ALDH2: variants seen among roughly 807,000 people sequenced by gnomAD.
The protein encoded by ALDH2 is aldehyde dehydrogenase 2 family member.
Under a neutral mutation model 59.6 loss-of-function variants are expected in ALDH2, and 44 were observed. That is an observed-to-expected ratio of 0.74 (90% confidence interval 0.58 to 0.95). The LOEUF (loss-of-function observed/expected upper bound fraction) is 0.95, where lower values mean the gene tolerates loss of function less well. Ranked by LOEUF, ALDH2 falls within the 40% of genes least tolerant of loss-of-function variation. The pLI, the probability that ALDH2 is intolerant of heterozygous loss-of-function variation, is 0.00. For missense variants in ALDH2, 570 were observed against 696.3 expected (o/e 0.82, Z 2.04); for synonymous variants, 291 against 284.0 (o/e 1.02, Z -0.25).
At chr12:111,794,258 T>C (rs547821012) in intron 9 of ALDH2, among the ~76,000 whole-genome samples, 1 of 152,238 alleles carries the variant, frequency 6.6e-6, no homozygotes, top group East Asian at 1.9e-4. Flanking sequence ...GACCTCGTGA[T>C]CCACCCACCT....
At chr12:111,774,851 G>A (rs1277928617) in intron 1 of ALDH2, among the ~76,000 whole-genome samples, 1 of 152,138 alleles carries the variant, frequency 6.6e-6, no homozygotes, top group African/African-American at 2.4e-5. Context: ...TCACCACTAA[G>A]TCTCTGCCTG....
At chr12:111,784,834 G>A (rs940487755) in intron 3 of ALDH2, among the ~76,000 whole-genome samples, 1 of 152,006 alleles carries the variant, frequency 6.6e-6, no homozygotes, top group African/African-American at 2.4e-5. Flanking sequence ...GGCTGGTCTC[G>A]AACACCTGCC....
chr12:111,799,718 G>A (rs2136024068), intron 10 of ALDH2, 188 bp from the exon 11 acceptor site: 1 of 577,240 alleles, frequency 1.7e-6, no homozygotes, highest in African/African-American at 1.8e-5. Context: ...ACAGGAGGAA[G>A]TTGGCCCCTG....
chr12:111,798,705 T>A (rs562241348), intron 10 of ALDH2, among the ~76,000 whole-genome samples: 35 of 152,170 alleles, frequency 2.3e-4, no homozygotes, highest in African/African-American at 6.7e-4. Flanking sequence ...TGGCTAATTT[T>A]AAAAAAATTT....
intron 1 of ALDH2, among the ~76,000 whole-genome samples, chr12:111,771,297 T>C (rs1383950379): frequency 6.6e-6 from 1 of 152,100 alleles, no homozygotes; most frequent in African/African-American, 2.4e-5. Flanking sequence ...CTTGGGCGGC[T>C]GAGGCAGGAG....
intron 11 of ALDH2, 113 bp downstream of exon 11, chr12:111,800,176 C>G: frequency 5.3e-6 from 7 of 1,326,322 alleles, no homozygotes; most frequent in Non-Finnish European, 6.1e-6. Context: ...TCAGTTTCTC[C>G]TGGGTCAGGG....
intron 1 of ALDH2, among the ~76,000 whole-genome samples, chr12:111,776,668 G>A (rs1006832245): frequency 6.6e-6 from 1 of 151,992 alleles, no homozygotes; most frequent in African/African-American, 2.4e-5. Flanking sequence ...TGGCTTTGAG[G>A]TTGGTGCTTT....
chr12:111,783,011 C>G (rs1269479556), intron 2 of ALDH2, 147 bp from the exon 3 acceptor site: 9 of 992,932 alleles, frequency 9.1e-6, no homozygotes, highest in Non-Finnish European at 1.3e-5. Flanking sequence ...CATCAGGGCT[C>G]TGCCGGGCTA....
At chr12:111,808,443 G>A (rs1006023081) in intron 12 of ALDH2, among the ~76,000 whole-genome samples, 13 of 152,138 alleles carry the variant, frequency 8.5e-5, no homozygotes, top group Middle Eastern at 3.2e-3. Context: ...GGTGGCTCAC[G>A]CCTGTAATCC....
intron 1 of ALDH2, among the ~76,000 whole-genome samples, chr12:111,780,493 C>G (rs1039591111): frequency 1.3e-5 from 2 of 152,198 alleles, no homozygotes; most frequent in African/African-American, 4.8e-5. Context: ...ACTTGCTATT[C>G]CACAGCCTGG....
In ALDH2 at chr12:111,799,204, C is replaced by T. The variant is rs374801567; in HGVS notation, c.1249-702C>T. ...GTTTTGAGATGGAGTCTCACTCTGT[C>T]GCCAGGCTGGAGTGCAGTGGTGCAA... On this transcript the variant is annotated intron_variant, in intron 10 of 12. Transcript: ENST00000261733. 1.3e-4 allele frequency among the ~76,000 whole-genome samples: 20 copies of T among 148,992 alleles called. No homozygotes were observed. The South Asian group carries it at 3.9e-3, about 29-fold the overall frequency.
rs1022241415 is a variant in ALDH2 at position 111,816,234 on chromosome 12, T to C, written c.*6659T>C. 6.6e-6 allele frequency: 1 copy of C among 152,018 alleles called. No individual in the cohort carries two copies. Among genetic ancestry groups the C allele is most frequent in the South Asian group, 2.1e-4 (1 of 4,820 alleles). 9.4% of individuals were successfully genotyped at this position (152,018 alleles called of 1,614,324 possible). On this transcript the variant is annotated 3_prime_UTR_variant, in exon 13 of 13. Transcript: ENST00000261733. ...CAATAAAGATAAAGACCAAAGAGTA[T>C]ATTTGGAAGAAGGGGTCAGGGGGCT...
At position 111,810,614 on chromosome 12, in the gene ALDH2, T is replaced by TTG. The variant is rs2068528959; in HGVS notation, c.*1040_*1041insGT. The TTG allele has an allele frequency of 6.6e-6, 1 of 152,190 alleles. No homozygotes were observed. Among genetic ancestry groups the TTG allele is most frequent in the African/African-American group, 2.4e-5 (1 of 41,308 alleles). The allele number at this position is 152,190 out of a possible 1,614,324, so 9.4% of individuals were successfully genotyped here. On this transcript the variant is annotated 3_prime_UTR_variant, in exon 13 of 13. Coordinates refer to ENST00000261733, the MANE Select transcript of ALDH2 (RefSeq NM_000690.4). ...TGTCCAATGTTCTCAAATTTTTTTTTTTTTTTTTTTTGAGACAGGGTCTTG... is the reference window on the plus strand; with the variant it reads ...TGTCCAATGTTCTCAAATTTTTTTTTTGTTTTTTTTTTTGAGACAGGGTCTTG...
At chr12:111,789,008 C>G (rs1421323958) in intron 4 of ALDH2, among the ~76,000 whole-genome samples, 1 of 144,902 alleles carries the variant, frequency 6.9e-6, no homozygotes, top group Non-Finnish European at 1.5e-5. Flanking sequence ...CTGTTTCTTT[C>G]TTTCTTTTCT....
intron 11 of ALDH2, among the ~76,000 whole-genome samples, chr12:111,800,801 A>G (rs558611574): frequency 7.7e-4 from 117 of 152,348 alleles, no homozygotes; most frequent in African/African-American, 2.7e-3. Context: ...CATATGACCC[A>G]GCAATTCCAC....
chr12:111,797,555 C>T (rs913228477), intron 9 of ALDH2, among the ~76,000 whole-genome samples: 3 of 151,402 alleles, frequency 2.0e-5, no homozygotes, highest in Non-Finnish European at 4.4e-5. Context: ...GAGTGGAGAT[C>T]GCACCACTGC....
Position 111,792,782 on chromosome 12 carries a change from G to A in ALDH2, c.1083G>A (p.Gln361=). The A allele has an allele frequency of 6.5e-7, 1 of 1,548,432 alleles. No homozygotes were observed. Among genetic ancestry groups the A allele is most frequent in the Non-Finnish European group, 8.7e-7 (1 of 1,147,252 alleles). The part of the protein sequence containing the change: ...PFDSKTEQGP[Q]VDETQFKKIL... ...ATAGCAAGACCGAGCAGGGGCCGCA[G>A]GTGAGCCAGGCAGTGCCGCAGGGTC... is the stretch of plus-strand genomic sequence containing the variant. The change falls in exon 9 of 13, where the codon CAG becomes CAA. Residue 361 remains glutamine (Q), a splice_region_variant and synonymous_variant. Transcript: ENST00000261733.
chr12:111,778,332 G>A (rs1341741771), intron 1 of ALDH2, among the ~76,000 whole-genome samples: 1 of 152,024 alleles, frequency 6.6e-6, no homozygotes, highest in Non-Finnish European at 1.5e-5. Context: ...ATCACCTGAG[G>A]TCAGGAGTTG....
rs751364520 is a variant in ALDH2, at chr12:111,790,493, C to T, written c.612C>T (p.Asn204=). 6.8e-6 allele frequency: 11 copies of T among 1,614,026 alleles called. No individual in the cohort carries two copies. The highest frequency in any genetic ancestry group is 5.5e-5 in the South Asian group (5 of 91,086). ...WKLGPALATG[N]VVVMKVAEQT... ...TGGGCCCAGCCTTGGCAACTGGAAA[C>T]GTGGTTGTGATGAAGGTAGCTGAGC... is the stretch of plus-strand genomic sequence containing the variant. The change falls in exon 6 of 13, where the codon AAC becomes AAT. Residue 204 remains asparagine (N), a synonymous_variant. Transcript: ENST00000261733.
Sources: allele counts gnomAD v4.1 joint callset (sites outside exome capture counted in the v4.1 genomes callset), GRCh38; gene constraint gnomAD v4.1.1; transcripts MANE v1.5; gene names NCBI Gene and HGNC (gene_info 2026-07-23, HGNC 2026-07-21).